DCDC1: variants seen among roughly 807,000 people sequenced by gnomAD.
DCDC1 encodes doublecortin domain-containing protein 1.
A neutral mutation model predicts 178.3 loss-of-function variants in DCDC1; 200 were observed. The observed-to-expected ratio is 1.12, with a 90% CI of 1.00 to 1.26. DCDC1 has a LOEUF of 1.26. Among genes scored for constraint, DCDC1 ranks in the 50% most tolerant of loss-of-function variants. The pLI, the probability that DCDC1 is intolerant of heterozygous loss-of-function variation, is 0.00. For synonymous variants in DCDC1, 690 were observed against 604.8 expected, an observed-to-expected ratio of 1.14 and a Z score of -2.07; for missense variants, 1,983 against 1,749.2, an observed-to-expected ratio of 1.13 and a Z score of -2.38.
chr11:31,141,286 G>T (rs1963795154), intron 9 of DCDC1, among the ~76,000 whole-genome samples: 1 of 152,010 alleles, frequency 6.6e-6, no homozygotes, highest in African/African-American at 2.4e-5. Context: ...TTTAAAAAAG[G>T]TACAGTAATT....
chr11:31,346,319 C>G (rs1256001768), intron 1 of DCDC1, among the ~76,000 whole-genome samples: 3 of 151,868 alleles, frequency 2.0e-5, no homozygotes, highest in Admixed American at 1.3e-4. Flanking sequence ...AAAAAATTAG[C>G]CCGGCATGGT....
At chr11:30,873,119 C>A (rs921425840) in intron 38 of DCDC1, among the ~76,000 whole-genome samples, 4 of 150,600 alleles carry the variant, frequency 2.7e-5, no homozygotes, top group Non-Finnish European at 5.9e-5. Flanking sequence ...CTCTCTCTCT[C>A]TATCTTCTGC....
chr11:31,048,118 T>C (rs1483137803), intron 20 of DCDC1, among the ~76,000 whole-genome samples: 3 of 152,144 alleles, frequency 2.0e-5, no homozygotes, highest in East Asian at 1.9e-4. Context: ...CCCCAAATCA[T>C]ACAGTGAGTA....
At chr11:31,199,668 T>C (rs1323526185) in intron 9 of DCDC1, among the ~76,000 whole-genome samples, 4 of 152,054 alleles carry the variant, frequency 2.6e-5, no homozygotes, top group Non-Finnish European at 1.5e-5. Context: ...CAGGAATTAA[T>C]GGATTGTGAA....
chr11:31,107,041 A>T (rs1958896295), intron 12 of DCDC1, 81 bp from the exon 13 acceptor site: 3 of 639,226 alleles, frequency 4.7e-6, no homozygotes, highest in Non-Finnish European at 8.3e-6. Flanking sequence ...AACTGTCTCT[A>T]CTCTGTAACA....
At chr11:31,157,366 A>T (rs1422522936) in intron 9 of DCDC1, among the ~76,000 whole-genome samples, 12 of 96,784 alleles carry the variant, frequency 1.2e-4, no homozygotes, top group Non-Finnish European at 1.8e-4. Context: ...AAAAAAAAAA[A>T]AAAAAAATAT....
At position 31,084,819 on chromosome 11, in the gene DCDC1, A is replaced by G. The variant is rs535200865; in HGVS notation, c.2237+6574T>C. ...ATAAGAACATTGAGTCTTCAGCCTC[A>G]GCCCACTCAATTCCATGACAATCTT... On this transcript the variant is annotated intron_variant, in intron 17 of 38. Transcript: ENST00000684477. 2.8e-4 allele frequency among the ~76,000 whole-genome samples: 42 copies of G among 151,858 alleles called. No homozygotes were observed. In the South Asian group the frequency reaches 7.3e-3, roughly 26 times the overall value.
At chr11:31,150,276 T>C (rs1477697086) in intron 9 of DCDC1, among the ~76,000 whole-genome samples, 2 of 152,180 alleles carry the variant, frequency 1.3e-5, no homozygotes, top group Non-Finnish European at 2.9e-5. Flanking sequence ...AAGGATTGCA[T>C]GCTATGTAAA....
intron 26 of DCDC1, 76 bp downstream of exon 26, chr11:30,916,794 G>T: frequency 7.1e-7 from 1 of 1,408,102 alleles, no homozygotes. Context: ...AAAACTCTTG[G>T]GAATATATGT....
intron 1 of DCDC1, among the ~76,000 whole-genome samples, chr11:31,367,792 T>C (rs1479601579): frequency 1.3e-5 from 2 of 152,238 alleles, no homozygotes; most frequent in African/African-American, 2.4e-5. Flanking sequence ...TATTGGAAAG[T>C]ACTGCTCTAT....
chr11:31,361,457 G>T (rs546856256), intron 1 of DCDC1, among the ~76,000 whole-genome samples: 1 of 152,204 alleles, frequency 6.6e-6, no homozygotes, highest in East Asian at 1.9e-4. Flanking sequence ...ACTAATTTAC[G>T]TTAGTAAAAT....
At chr11:31,296,678 A>T (rs1947705733) in intron 6 of DCDC1, among the ~76,000 whole-genome samples, 1 of 152,224 alleles carries the variant, frequency 6.6e-6, no homozygotes, top group East Asian at 1.9e-4. Context: ...TAATTGACTT[A>T]CAGTTCAGCA....
intron 9 of DCDC1, among the ~76,000 whole-genome samples, chr11:31,233,918 A>G (rs1976134396): frequency 6.6e-6 from 1 of 152,204 alleles, no homozygotes; most frequent in South Asian, 2.1e-4. Flanking sequence ...GGCTAGTGAG[A>G]CTGAGGAACC....
intron 36 of DCDC1, among the ~76,000 whole-genome samples, chr11:30,885,646 G>A (rs893907275): frequency 7.2e-5 from 11 of 151,866 alleles, no homozygotes; most frequent in South Asian, 4.2e-4. Flanking sequence ...TTCTTCTGTC[G>A]AACCTGCAAA....
At chr11:31,031,193 G>C (rs894279889) in intron 20 of DCDC1, among the ~76,000 whole-genome samples, 1 of 152,184 alleles carries the variant, frequency 6.6e-6, no homozygotes, top group Non-Finnish European at 1.5e-5. Flanking sequence ...AAGTGTAGTA[G>C]AATGGTAGGA....
intron 9 of DCDC1, among the ~76,000 whole-genome samples, chr11:31,203,230 TG>T (rs1447733315): frequency 2.6e-5 from 4 of 152,044 alleles, no homozygotes; most frequent in Non-Finnish European, 5.9e-5. Context: ...AAGAGATAAA[TG>T]AACAAATCAA....
At chr11:31,089,431 T>C (rs1957669772) in intron 17 of DCDC1, among the ~76,000 whole-genome samples, 1 of 152,170 alleles carries the variant, frequency 6.6e-6, no homozygotes. Flanking sequence ...ATGCTTCTTG[T>C]GCTTGGAATT....
At chr11:30,912,871 A>G (rs1269503042) in intron 27 of DCDC1, among the ~76,000 whole-genome samples, 1 of 152,178 alleles carries the variant, frequency 6.6e-6, no homozygotes, top group Non-Finnish European at 1.5e-5. Context: ...TATGGAGGAT[A>G]AAAAGACTGT....
At chr11:31,337,556 T>G (rs1041573597) in intron 1 of DCDC1, among the ~76,000 whole-genome samples, 2 of 152,080 alleles carry the variant, frequency 1.3e-5, no homozygotes, top group Non-Finnish European at 2.9e-5. Context: ...TCCTAGCTAC[T>G]TGGGAGGCTG....
Sources: allele counts gnomAD v4.1 joint callset (sites outside exome capture counted in the v4.1 genomes callset), GRCh38; gene constraint gnomAD v4.1.1; transcripts MANE v1.5; gene names NCBI Gene and HGNC (gene_info 2026-07-23, HGNC 2026-07-21).